OTOG: variants seen among roughly 807,000 people sequenced by gnomAD.
OTOG encodes the protein otogelin.
OTOG carries 296 observed loss-of-function variants against 313.8 expected under a neutral mutation model. The observed-to-expected ratio is 0.94, with a 90% CI of 0.86 to 1.04. The LOEUF is 1.04. OTOG is among the 50% of genes least tolerant of loss of function. The pLI is 0.00. For synonymous variants in OTOG, 1,533 were observed against 1,554.9 expected (o/e 0.99, Z 0.33); for missense variants, 3,948 against 3,840.1 (o/e 1.03, Z -0.74).
At chr11:17,613,343 T>A (rs1337520770) in intron 38 of OTOG, among the ~76,000 whole-genome samples, 1 of 109,952 alleles carries the variant, frequency 9.1e-6, no homozygotes. Context: ...CTTCCTTCCT[T>A]CCTTCCTTCC....
intron 24 of OTOG, 141 bp from the exon 25 acceptor site, chr11:17,591,309 C>A (rs928718788): frequency 1.5e-5 from 17 of 1,165,256 alleles, no homozygotes; most frequent in Non-Finnish European, 1.9e-5. Flanking sequence ...GCCCTCCAGG[C>A]TCCTGTTAGA....
At position 17,642,119 on chromosome 11, in the gene OTOG, C is replaced by T. The variant is rs1199758141; in HGVS notation, c.8296-8C>T. 6 of 1,537,972 alleles carry T rather than the reference C, an allele frequency of 3.9e-6. No individual in the cohort carries two copies. On this transcript the variant is annotated splice_region_variant and splice_polypyrimidine_tract_variant and intron_variant, in intron 52 of 55. Transcript: ENST00000399397. Reference sequence around the variant, plus strand: ...ACAGCTCCCATTACCTACTTCTGTGCCCTCCAGCCCGGGGCATCCTGGATC... The same window carrying T: ...ACAGCTCCCATTACCTACTTCTGTGTCCTCCAGCCCGGGGCATCCTGGATC...
chr11:17,611,469 C>G (rs766432919), intron 36 of OTOG, 46 bp downstream of exon 36: 22 of 1,439,692 alleles, frequency 1.5e-5, no homozygotes, highest in Non-Finnish European at 2.0e-5. Flanking sequence ...TGACCCTTCC[C>G]TTCATCCCTT....
At chr11:17,643,440 C>G in intron 53 of OTOG, 21 bp from the exon 54 acceptor site, 1 of 1,428,988 alleles carries the variant, frequency 7.0e-7, no homozygotes. Context: ...CTACCTACCT[C>G]CCCCGACTTC....
intron 3 of OTOG, among the ~76,000 whole-genome samples, chr11:17,550,103 A>G (rs1221933987): frequency 6.6e-6 from 1 of 152,196 alleles, no homozygotes; most frequent in Non-Finnish European, 1.5e-5. Flanking sequence ...CATCCTTTTC[A>G]ATTATTATTA....
At chr11:17,622,986 C>G (rs1023782028) in intron 39 of OTOG, among the ~76,000 whole-genome samples, 1 of 152,120 alleles carries the variant, frequency 6.6e-6, no homozygotes, top group African/African-American at 2.4e-5. Flanking sequence ...CCCTTTTCTC[C>G]ACATCCTCAC....
chr11:17,559,344 T>C (rs1016416120), intron 11 of OTOG, among the ~76,000 whole-genome samples, 183 bp downstream of exon 11: 18 of 152,180 alleles, frequency 1.2e-4, no homozygotes, highest in Admixed American at 9.8e-4. Context: ...GCCTGGGTGA[T>C]TCTCAGAGCC....
chr11:17,595,215 C>T (rs145837572), intron 28 of OTOG, among the ~76,000 whole-genome samples: 192 of 152,258 alleles, frequency 1.3e-3, no homozygotes, highest in Non-Finnish European at 1.9e-3. Context: ...CTGAAAAGTG[C>T]GCCCTAACAC....
At chr11:17,635,838 C>T (rs911960097) in intron 47 of OTOG, 127 bp downstream of exon 47, 7 of 743,482 alleles carry the variant, frequency 9.4e-6, no homozygotes, top group African/African-American at 5.2e-5. Context: ...CTGGAGGGGC[C>T]GAGCAGCTGA....
In OTOG at chr11:17,611,206, T is replaced by C. The variant is rs1431095053; in HGVS notation, c.5906T>C (p.Val1969Ala). 6.4e-7 allele frequency: 1 copy of C among 1,550,500 alleles called. No homozygotes were observed. Among genetic ancestry groups the C allele is most frequent in the Admixed American group, 2.0e-5 (1 of 51,012 alleles). Reference protein sequence around the residue: ...PVPTSYALSRVSARTAPQDSM... With the variant: ...PVPTSYALSRASARTAPQDSM... ...CCCACATCCTATGCCCTGAGCCGTG[T>C]CTCAGCCAGGACGGCCCCCCAAGAC... Residue 1969 changes from valine (V) to alanine (A), a missense_variant, in exon 36 of 56, where the codon GTC (valine) becomes GCC (alanine). Val to Ala is a moderately conservative substitution (Grantham distance 64, BLOSUM62 0). Coordinates refer to ENST00000399397, the MANE Select transcript of OTOG (RefSeq NM_001292063.2).
rs1304166198 is a variant in OTOG, at chr11:17,632,074, A to C, written c.6934-14A>C. On this transcript the variant is annotated splice_polypyrimidine_tract_variant and intron_variant, in intron 41 of 55. Transcript: ENST00000399397. ...CCATCCGAGTAACCAGCACTGCCTGATGCATATGTCCAGGTGCCTCCGGAG... is the reference window on the plus strand; with the variant it reads ...CCATCCGAGTAACCAGCACTGCCTGCTGCATATGTCCAGGTGCCTCCGGAG... 3.2e-6 allele frequency: 5 copies of C among 1,550,252 alleles called. No individual in the cohort carries two copies. The highest frequency in any genetic ancestry group is 4.4e-6 in the Non-Finnish European group (5 of 1,146,632).
chr11:17,559,056 A>G lies in OTOG; in HGVS notation c.1108A>G (p.Met370Val), dbSNP rs749019858. 13 of 1,548,426 alleles carry G rather than the reference A, an allele frequency of 8.4e-6. No individual in the cohort carries two copies. The highest frequency in any genetic ancestry group is 1.1e-5 in the Non-Finnish European group (13 of 1,146,800). ...ASCTSDLCQS[M>V]GDVATWCRAL... The stretch of plus-strand genomic sequence containing the variant: ...ACCCTTGGTTTCTCTGCACAGATCA[A>G]TGGGTGATGTAGCCACCTGGTGCCG... The change falls in exon 11 of 56, where the codon ATG becomes GTG. Residue 370 changes from methionine (M) to valine (V), a missense_variant. Transcript: ENST00000399397.
Position 17,559,592 on chromosome 11 carries a change from C to T in OTOG, c.1272C>T (p.Ala424=), listed in dbSNP as rs1300110679. The change falls in exon 12 of 56, where the codon GCC becomes GCT. Residue 424 remains alanine (A), a synonymous_variant. Coordinates refer to ENST00000399397, the MANE Select transcript of OTOG (RefSeq NM_001292063.2). ...ATGAGTGCATCGCCTGCTGCCCTGC[C>T]TCCTGCCATCCCCGGGCATCCTGTG... ...TYNECIACCP[A]SCHPRASCVD... 1 of 1,550,868 alleles carries T rather than the reference C, an allele frequency of 6.4e-7. No individual in the cohort carries two copies. The highest frequency in any genetic ancestry group is 2.4e-5 in the East Asian group (1 of 40,918).
chr11:17,645,592 G>A lies in OTOG; in HGVS notation c.8490G>A (p.Lys2830=), dbSNP rs61997203. ...TCKEDGRSCK[K]VTIRMTIRKN... The stretch of plus-strand genomic sequence containing the variant: ...AGGAGGATGGGCGCTCCTGCAAGAA[G>A]GTGACCATCCGCATGACCATCCGCA... The change falls in exon 55 of 56, where the codon AAG becomes AAA. Residue 2830 remains lysine, a synonymous_variant. Transcript: ENST00000399397. 6.4e-7 allele frequency: 1 copy of A among 1,550,542 alleles called. No homozygotes were observed. Among genetic ancestry groups the A allele is most frequent in the Admixed American group, 2.0e-5 (1 of 50,998 alleles).
rs999985057 is a variant in OTOG, at chr11:17,596,909, G to A, written c.3584G>A (p.Gly1195Asp). 1.9e-6 allele frequency: 3 copies of A among 1,550,984 alleles called. No individual in the cohort carries two copies. The highest frequency in any genetic ancestry group is 2.6e-6 in the Non-Finnish European group (3 of 1,147,072). ...CLTDTCGCSQ[G>D]GDCECFCASV... ...ACAGACACATGTGGCTGCAGCCAGG[G>A]TGGTGACTGTGAGTGCTTCTGTGCC... The change falls in exon 30 of 56, where the codon GGT (glycine) becomes GAT (aspartate). Residue 1195 changes from glycine to aspartate, a missense_variant. By Grantham distance (94) the Gly-to-Asp change is moderately conservative (BLOSUM62 -1). Transcript: ENST00000399397.
rs527768744 is a variant in OTOG at position 17,612,586 on chromosome 11, C to G, written c.6293-34C>G. ...AGGCGGCCTTGGTCTTGGAGGCATC[C>G]ACCTATTCTTCTTGTGCCCTGCCCC... On this transcript the variant is annotated intron_variant, in intron 37 of 55. Coordinates refer to ENST00000399397, the MANE Select transcript of OTOG (RefSeq NM_001292063.2). 1.9e-6 allele frequency: 3 copies of G among 1,539,680 alleles called. No homozygotes were observed. The South Asian group carries it at 3.7e-5, about 19-fold the overall frequency.
At chr11:17,547,859 G>A in intron 1 of OTOG, 68 bp from the exon 2 acceptor site, 1 of 446,264 alleles carries the variant, frequency 2.2e-6, no homozygotes, top group East Asian at 3.4e-5. Context: ...CTAGCAGTGG[G>A]GGCCAGGTGG....
In OTOG at chr11:17,610,183, T is replaced by G; in HGVS notation, c.4883T>G (p.Leu1628Trp). Residue 1628 changes from leucine to tryptophan, a missense_variant, in exon 36 of 56, where the codon TTG becomes TGG. Coordinates refer to ENST00000399397, the MANE Select transcript of OTOG (RefSeq NM_001292063.2). ...KAVTVRGHGS[L>W]PVRTTPPQPS... is the part of the protein sequence containing the mutation. ...GTGACAGTCCGAGGCCATGGCTCCT[T>G]GCCTGTTAGGACGACACCCCCACAG... 6.4e-7 allele frequency: 1 copy of G among 1,550,552 alleles called. No individual in the cohort carries two copies. Among genetic ancestry groups the G allele is most frequent in the Non-Finnish European group, 8.7e-7 (1 of 1,146,954 alleles).
At position 17,635,531 on chromosome 11, in the gene OTOG, C is replaced by A. The variant is rs2133710576; in HGVS notation, c.7694-79C>A. The A allele has an allele frequency of 2.6e-6, 3 of 1,160,110 alleles. No individual in the cohort carries two copies. In the South Asian group the frequency reaches 4.0e-5, roughly 15 times the overall value. 71.9% of individuals were successfully genotyped at this position (1,160,110 alleles called of 1,614,324 possible). A position where few individuals can be genotyped will look rare whatever the true frequency, so the allele number is the denominator to read the frequency against. ...TGCCACACCTGGGTTGTTGAGGAGG[C>A]CCCACCCCCAGCAACGTGCTGTGTG... On this transcript the variant is annotated intron_variant, in intron 46 of 55. Coordinates refer to ENST00000399397, the MANE Select transcript of OTOG (RefSeq NM_001292063.2).
Sources: allele counts gnomAD v4.1 joint callset (sites outside exome capture counted in the v4.1 genomes callset), GRCh38; gene constraint gnomAD v4.1.1; transcripts MANE v1.5; gene names NCBI Gene and HGNC (gene_info 2026-07-23, HGNC 2026-07-21).